Variants in UBL3 observed in about 807,000 individuals in gnomAD.
UBL3 encodes the protein ubiquitin like 3.
Under a neutral mutation model 18.4 loss-of-function variants are expected in UBL3, and 6 were observed. The ratio of observed to expected loss-of-function variants is 0.33; its 90% CI spans 0.18 to 0.64. The LOEUF (loss-of-function observed/expected upper bound fraction) is 0.64. Ranked by LOEUF, UBL3 falls within the 30% of genes least tolerant of loss-of-function variation. The pLI, the probability that UBL3 is intolerant of heterozygous loss-of-function variation, is 0.76. For missense variants in UBL3, 109 were observed against 142.9 expected, an observed-to-expected ratio of 0.76 and a Z score of 1.21; for synonymous variants, 49 against 46.6, an observed-to-expected ratio of 1.05 and a Z score of -0.21.
intron 1 of UBL3, among the ~76,000 whole-genome samples, chr13:29,835,114 ATATATATAT>A (rs1878900939): frequency 3.3e-5 from 1 of 30,470 alleles, no homozygotes; most frequent in Admixed American, 4.9e-4. Flanking sequence ...ATAAATATAT[ATATATATAT>A]AAATATATAT....
intron 1 of UBL3, among the ~76,000 whole-genome samples, chr13:29,806,924 A>G (rs886822003): frequency 1.3e-5 from 2 of 152,096 alleles, no homozygotes; most frequent in Non-Finnish European, 2.9e-5. Flanking sequence ...GTTCTTTCCT[A>G]CTGTGAGATT....
chr13:29,780,915 T>G (rs533240724), intron 1 of UBL3, among the ~76,000 whole-genome samples: 181 of 152,320 alleles, frequency 1.2e-3, no homozygotes, highest in Middle Eastern at 3.4e-3. Flanking sequence ...GGCTCACGCC[T>G]GTAATCCCAG....
chr13:29,818,919 G>A (rs1565997668), intron 1 of UBL3, among the ~76,000 whole-genome samples: 1 of 152,128 alleles, frequency 6.6e-6, no homozygotes, highest in African/African-American at 2.4e-5. Context: ...ATATCTGTGT[G>A]TTTGATAATA....
intron 1 of UBL3, among the ~76,000 whole-genome samples, chr13:29,788,779 T>C (rs1177942248): frequency 6.6e-6 from 1 of 151,538 alleles, no homozygotes; most frequent in African/African-American, 2.4e-5. Flanking sequence ...AGTTTGGAAA[T>C]GGGTTAAAAA....
chr13:29,833,373 G>C (rs1878832750), intron 1 of UBL3, among the ~76,000 whole-genome samples: 1 of 150,754 alleles, frequency 6.6e-6, no homozygotes, highest in Non-Finnish European at 1.5e-5. Flanking sequence ...GATCTATCTA[G>C]GACACTGGCA....
chr13:29,794,736 T>C (rs1877566828), intron 1 of UBL3, among the ~76,000 whole-genome samples: 2 of 152,256 alleles, frequency 1.3e-5, no homozygotes, highest in African/African-American at 4.8e-5. Context: ...TATCTTGCTC[T>C]AGTTAATCCT....
rs555595652 is a variant in UBL3, at chr13:29,766,545, C to T, written c.*710G>A. 1 of 152,652 alleles carries T rather than the reference C, an allele frequency of 6.6e-6. No homozygotes were observed. Among genetic ancestry groups the T allele is most frequent in the East Asian group, 1.9e-4 (1 of 5,186 alleles). 9.5% of individuals were successfully genotyped at this position (152,652 alleles called of 1,614,324 possible). On this transcript the variant is annotated 3_prime_UTR_variant, in exon 5 of 5. Coordinates refer to ENST00000380680, the MANE Select transcript of UBL3 (RefSeq NM_007106.4). ...CCTTCTTGTGCTGTCTAAACAAACA[C>T]TCAGTTACTGTAGGACTCAAGAGTG... is the stretch of plus-strand genomic sequence containing the variant.
chr13:29,837,998 C>A (rs1226688596), intron 1 of UBL3, among the ~76,000 whole-genome samples: 2 of 150,316 alleles, frequency 1.3e-5, no homozygotes, highest in African/African-American at 4.9e-5. Context: ...TGACTCAGGA[C>A]CTCAAGATAC....
intron 1 of UBL3, among the ~76,000 whole-genome samples, chr13:29,784,021 T>C (rs1036930912): frequency 6.6e-6 from 1 of 152,172 alleles, no homozygotes; most frequent in African/African-American, 2.4e-5. Flanking sequence ...GACAAGACTA[T>C]TAGTGAGGCA....
Position 29,849,592 on chromosome 13 carries a change from A to G in UBL3, c.-54T>C. 1 of 1,605,872 alleles carries G rather than the reference A, an allele frequency of 6.2e-7. No homozygotes were observed. The highest frequency in any genetic ancestry group is 1.1e-5 in the South Asian group (1 of 90,978). ...TACGAAAAAAACAAACAAAGAAAAA[A>G]GAGCAGAAGTCTTCACGTTACAGAA... On this transcript the variant is annotated 5_prime_UTR_variant, in exon 1 of 5. Transcript: ENST00000380680.
At chr13:29,817,492 A>G (rs1021465272) in intron 1 of UBL3, among the ~76,000 whole-genome samples, 42 of 152,162 alleles carry the variant, frequency 2.8e-4, no homozygotes, top group African/African-American at 1.0e-3. Context: ...GGCTGAGGTG[A>G]TGGAAATAAG....
chr13:29,849,781 C>T lies in UBL3; in HGVS notation c.-243G>A, dbSNP rs1879322641. ...GAAACTCCCGGGACAGCAGAGGCAG[C>T]CCCCGTCGTCGTCGTCGTCGTCAAC... On this transcript the variant is annotated 5_prime_UTR_variant, in exon 1 of 5. Coordinates refer to ENST00000380680, the MANE Select transcript of UBL3 (RefSeq NM_007106.4). The T allele has an allele frequency of 3.4e-6, 2 of 591,760 alleles. No homozygotes were observed. Among genetic ancestry groups the T allele is most frequent in the East Asian group, 2.9e-5 (1 of 34,514 alleles). 36.7% of individuals were successfully genotyped at this position (591,760 alleles called of 1,614,324 possible). A position where few individuals can be genotyped will look rare whatever the true frequency, so the allele number is the denominator to read the frequency against.
intron 1 of UBL3, among the ~76,000 whole-genome samples, chr13:29,790,729 C>T (rs1877460415): frequency 6.6e-6 from 1 of 152,060 alleles, no homozygotes; most frequent in Non-Finnish European, 1.5e-5. Context: ...TTTTCTTTCC[C>T]ATATTACCTG....
At chr13:29,786,723 T>C (rs9508554) in intron 1 of UBL3, among the ~76,000 whole-genome samples, 93,825 of 151,992 alleles carry the variant, frequency 0.62, 29,151 homozygotes, top group Non-Finnish European at 0.66. Flanking sequence ...GCTAAATGGA[T>C]GGAAGAAGCT....
chr13:29,801,404 G>C (rs531908471), intron 1 of UBL3, among the ~76,000 whole-genome samples: 1 of 152,118 alleles, frequency 6.6e-6, no homozygotes, highest in Non-Finnish European at 1.5e-5. Flanking sequence ...GAGAAGAAAC[G>C]AAGAGCCTGA....
At chr13:29,798,565 A>C (rs953936239) in intron 1 of UBL3, among the ~76,000 whole-genome samples, 3 of 152,226 alleles carry the variant, frequency 2.0e-5, no homozygotes, top group Non-Finnish European at 4.4e-5. Flanking sequence ...TGAGTCCTCT[A>C]AATATGTGCA....
intron 2 of UBL3, among the ~76,000 whole-genome samples, chr13:29,772,511 T>C (rs1194297938): frequency 1.3e-5 from 2 of 152,004 alleles, no homozygotes; most frequent in South Asian, 2.1e-4. Flanking sequence ...AAAAGAAATA[T>C]CATTTTAAAA....
At chr13:29,802,595 A>G (rs1368547851) in intron 1 of UBL3, among the ~76,000 whole-genome samples, 1 of 152,224 alleles carries the variant, frequency 6.6e-6, no homozygotes, top group Non-Finnish European at 1.5e-5. Context: ...TGAAGTGGTC[A>G]TTATAAGAAA....
chr13:29,768,097 T>C (rs937619588), intron 3 of UBL3, among the ~76,000 whole-genome samples: 4 of 151,980 alleles, frequency 2.6e-5, no homozygotes, highest in Non-Finnish European at 5.9e-5. Flanking sequence ...CCTAATAAAA[T>C]TACTGCACTG....
Sources: gnomAD v4.1 joint callset for allele counts (sites outside exome capture counted in the v4.1 genomes callset) on GRCh38, gnomAD v4.1.1 for gene constraint, MANE v1.5 for transcripts, NCBI Gene and HGNC (gene_info 2026-07-23, HGNC 2026-07-21) for gene names.